The following TBCD variants were observed in gnomAD, a reference collection of about 807,000 sequenced individuals.
TBCD encodes tubulin-specific chaperone D.
In TBCD, 105 loss-of-function variants were observed where a neutral mutation model predicts 169.3. That is an observed-to-expected ratio of 0.62 (90% CI 0.53 to 0.73). The LOEUF (loss-of-function observed/expected upper bound fraction) is 0.73, where lower values mean the gene tolerates loss of function less well. Ranked by LOEUF, TBCD falls within the 30% of genes least tolerant of loss-of-function variation. TBCD has a pLI of 0.00. For synonymous variants in TBCD, 700 were observed against 643.9 expected, an observed-to-expected ratio of 1.09 and a Z score of -1.32; for missense variants, 1,444 against 1,600.1, an observed-to-expected ratio of 0.90 and a Z score of 1.66.
chr17:82,934,409 A>G (rs967902136), intron 34 of TBCD, among the ~76,000 whole-genome samples: 1 of 152,156 alleles, frequency 6.6e-6, no homozygotes, highest in Non-Finnish European at 1.5e-5. Flanking sequence ...AACAGCCTCC[A>G]TGTTCACAGG....
intron 13 of TBCD, among the ~76,000 whole-genome samples, chr17:82,851,007 G>C (rs887113531): frequency 2.6e-5 from 4 of 152,162 alleles, no homozygotes; most frequent in Non-Finnish European, 4.4e-5. Flanking sequence ...TTCCATAATT[G>C]ATACAGAACC....
chr17:82,921,818 TTTAA>T (rs1229413525), intron 25 of TBCD, among the ~76,000 whole-genome samples: 1 of 152,230 alleles, frequency 6.6e-6, no homozygotes, highest in Non-Finnish European at 1.5e-5. Flanking sequence ...TTCTGGCTGT[TTTAA>T]TTATAGTTAC....
At chr17:82,817,442 A>G (rs2052016849) in intron 13 of TBCD, among the ~76,000 whole-genome samples, 1 of 152,148 alleles carries the variant, frequency 6.6e-6, no homozygotes, top group Non-Finnish European at 1.5e-5. Context: ...GGCTACAGGT[A>G]TGTGCCACCA....
Position 82,920,596 on chromosome 17 carries a change from C to T in TBCD, c.2079C>T (p.Pro693=). Reference sequence around the variant, plus strand: ...AAAAGTTGTCACTTTCCAAAATGCCCTTTAGAGGTGACACCGTAATTGGTA... The same window carrying T: ...AAAAGTTGTCACTTTCCAAAATGCCTTTTAGAGGTGACACCGTAATTGGTA... ...LIEKLSLSKM[P]FRGDTVIDGW... Residue 693 remains proline (P), a synonymous_variant, in exon 24 of 39, where the codon CCC becomes CCT. Transcript: ENST00000355528. This position sits in a 1 kb window ranked among gnomAD's most constrained non-coding sequence, Gnocchi z 4.1. 3.2e-6 allele frequency: 5 copies of T among 1,550,598 alleles called. No homozygotes were observed. Among genetic ancestry groups the T allele is most frequent in the Non-Finnish European group, 4.4e-6 (5 of 1,147,652 alleles).
intron 8 of TBCD, 60 bp downstream of exon 8, chr17:82,797,862 A>G (rs1057504143): frequency 6.9e-5 from 91 of 1,318,348 alleles, no homozygotes; most frequent in Non-Finnish European, 8.8e-5. Context: ...TATACAATCA[A>G]GTGTCTTTCC....
At chr17:82,902,842 C>G (rs902893345) in intron 18 of TBCD, among the ~76,000 whole-genome samples, 1 of 152,150 alleles carries the variant, frequency 6.6e-6, no homozygotes, top group Non-Finnish European at 1.5e-5. Flanking sequence ...CTCTGCGGGT[C>G]GCTCCCAGCT....
At chr17:82,840,973 T>TTG (rs1402115588) in intron 13 of TBCD, among the ~76,000 whole-genome samples, 2 of 140,826 alleles carry the variant, frequency 1.4e-5, no homozygotes, top group Non-Finnish European at 3.1e-5. Context: ...TTTTTTTTTT[T>TTG]TTTTTTTTTT....
intron 22 of TBCD, among the ~76,000 whole-genome samples, 165 bp from the exon 23 acceptor site, chr17:82,911,593 G>C (rs139383350): frequency 6.0e-4 from 92 of 152,326 alleles, no homozygotes; most frequent in Admixed American, 1.2e-3. Flanking sequence ...GCTGTACCAC[G>C]TTTTTTCCTT....
At position 82,938,286 on chromosome 17, in the gene TBCD, G is replaced by A. The variant is rs118087200; in HGVS notation, c.3369+150G>A. The A allele has an allele frequency of 0.075, 66,030 of 883,068 alleles. 3,094 individuals carry two copies. The highest frequency in any genetic ancestry group is 0.1 in the Middle Eastern group (300 of 2,936). 54.7% of individuals were successfully genotyped at this position (883,068 alleles called of 1,614,324 possible). ...CTGGGTGACGACGCGTCACAGGCAC[G>A]CGGCTGCCAAGGGGCTCTGGACGCC... is the stretch of plus-strand genomic sequence containing the variant. On this transcript the variant is annotated intron_variant, in intron 36 of 38. Transcript: ENST00000355528.
chr17:82,754,208 GTT>G (rs1417096011), intron 1 of TBCD, among the ~76,000 whole-genome samples: 1 of 152,076 alleles, frequency 6.6e-6, no homozygotes. Flanking sequence ...GAGGGCCAGG[GTT>G]TTTTAGAGGT....
In TBCD at chr17:82,833,291, A is replaced by G. The variant is rs1029656933; in HGVS notation, c.1318+18357A>G. 6.6e-6 allele frequency among the ~76,000 whole-genome samples: 1 copy of G among 152,024 alleles called. No homozygotes were observed. Among genetic ancestry groups the G allele is most frequent in the Non-Finnish European group, 1.5e-5 (1 of 67,992 alleles). On this transcript the variant is annotated intron_variant, in intron 13 of 38. Transcript: ENST00000355528. This position sits in a 1 kb window ranked among gnomAD's most constrained non-coding sequence, Gnocchi z 4.7. Reference sequence around the variant, plus strand: ...CCCTGCCGTCGGCCTGTAGAACCCAAGACCATGGATGCTGCTGCCTCCCCT... The same window carrying G: ...CCCTGCCGTCGGCCTGTAGAACCCAGGACCATGGATGCTGCTGCCTCCCCT...
intron 17 of TBCD, 63 bp from the exon 18 acceptor site, chr17:82,900,588 A>C (rs2059820455): frequency 9.1e-6 from 12 of 1,322,054 alleles, no homozygotes; most frequent in Non-Finnish European, 1.3e-5. Context: ...CTGAATTCCC[A>C]CCCACAGGCA....
chr17:82,931,185 C>A (rs1017311525), intron 33 of TBCD, among the ~76,000 whole-genome samples: 1 of 152,234 alleles, frequency 6.6e-6, no homozygotes, highest in African/African-American at 2.4e-5. Flanking sequence ...GACGAGGACA[C>A]GGGCCTGGTG....
chr17:82,873,150 C>T (rs370095245), intron 14 of TBCD, among the ~76,000 whole-genome samples: 1 of 152,224 alleles, frequency 6.6e-6, no homozygotes. Flanking sequence ...TGCATCTGGC[C>T]CCTCAGATGG....
chr17:82,830,357 C>T (rs2053371629), intron 13 of TBCD: 8 of 1,613,452 alleles, frequency 5.0e-6, no homozygotes, highest in Non-Finnish European at 5.9e-6. Context: ...GCATCCCCAT[C>T]GCCCACCCGG....
At chr17:82,773,293 C>G (rs2048396071) in intron 6 of TBCD, among the ~76,000 whole-genome samples, 1 of 152,082 alleles carries the variant, frequency 6.6e-6, no homozygotes, top group African/African-American at 2.4e-5. Context: ...AGGAGAGAAG[C>G]TTCCTTTGTG....
chr17:82,808,713 T>G (rs1225833024), intron 11 of TBCD, among the ~76,000 whole-genome samples: 24 of 63,684 alleles, frequency 3.8e-4, no homozygotes, highest in African/African-American at 8.6e-4. Flanking sequence ...GTGGAGGGGA[T>G]GAGGCAGGTG....
chr17:82,907,927 T>A, intron 21 of TBCD, 106 bp downstream of exon 21: 1 of 1,230,966 alleles, frequency 8.1e-7, no homozygotes, highest in Non-Finnish European at 1.1e-6. Flanking sequence ...GTGGCCACTG[T>A]GCTCCATCAG....
intron 4 of TBCD, among the ~76,000 whole-genome samples, chr17:82,766,916 A>C (rs1231226942): frequency 6.6e-6 from 1 of 152,214 alleles, no homozygotes; most frequent in African/African-American, 2.4e-5. Context: ...GGTGTCTATC[A>C]GAGAAGCACG....
Sources: allele counts gnomAD v4.1 joint callset (sites outside exome capture counted in the v4.1 genomes callset), GRCh38; gene constraint gnomAD v4.1.1; non-coding constraint Gnocchi (gnomAD v3.1); transcripts MANE v1.5; gene names NCBI Gene and HGNC (gene_info 2026-07-23, HGNC 2026-07-21).